PDE4D: variants seen among roughly 807,000 people sequenced by gnomAD.
PDE4D encodes the protein phosphodiesterase 4D.
In PDE4D, 24 loss-of-function variants were observed where a neutral mutation model predicts 87.4. That is an observed-to-expected ratio of 0.27 (90% CI 0.20 to 0.39). PDE4D has a LOEUF of 0.39. PDE4D is among the 10% of genes least tolerant of loss of function. The probability of loss-of-function intolerance (pLI) is 1.00; values close to 1 mark genes in which losing one functional copy is unlikely to be tolerated. For synonymous variants in PDE4D, 384 were observed against 383.2 expected, an observed-to-expected ratio of 1.00 and a Z score of -0.02; for missense variants, 714 against 1,041.0, an observed-to-expected ratio of 0.69 and a Z score of 4.32.
At chr5:59,874,578 T>TA (rs891179398) in intron 1 of PDE4D, among the ~76,000 whole-genome samples, 30 of 151,686 alleles carry the variant, frequency 2.0e-4, no homozygotes, top group East Asian at 5.8e-4. Context: ...TTATCCATTT[T>TA]AAAAAAAAAT....
intron 1 of PDE4D, among the ~76,000 whole-genome samples, chr5:59,735,941 T>G: frequency 6.6e-6 from 1 of 152,044 alleles, no homozygotes; most frequent in East Asian, 1.9e-4. Flanking sequence ...AGTTCTAGGA[T>G]TACAGGTGTG....
chr5:60,429,571 T>C (rs1744016228), intron 1 of PDE4D, among the ~76,000 whole-genome samples: 1 of 152,224 alleles, frequency 6.6e-6, no homozygotes, highest in African/African-American at 2.4e-5. Context: ...CTCCCAGCTT[T>C]TGCCCATTCA....
intron 2 of PDE4D, among the ~76,000 whole-genome samples, chr5:60,156,008 G>C (rs1169426607): frequency 6.6e-6 from 1 of 152,146 alleles, no homozygotes; most frequent in Admixed American, 6.5e-5. Flanking sequence ...GCTCAATTTA[G>C]GTACCAGGGT....
chr5:59,129,624 A>T (rs980901462), intron 5 of PDE4D, among the ~76,000 whole-genome samples: 4 of 152,224 alleles, frequency 2.6e-5, no homozygotes, highest in Admixed American at 1.3e-4. Flanking sequence ...CTTTATAGTT[A>T]CTTTTTCCCT....
chr5:60,149,992 A>C (rs1030288255), intron 2 of PDE4D, among the ~76,000 whole-genome samples: 2 of 147,228 alleles, frequency 1.4e-5, no homozygotes, highest in African/African-American at 4.9e-5. Flanking sequence ...TATGTAATAC[A>C]TATGTGTATA....
chr5:59,446,875 C>T (rs767566049), intron 1 of PDE4D, among the ~76,000 whole-genome samples: 11 of 152,188 alleles, frequency 7.2e-5, no homozygotes, highest in Admixed American at 2.6e-4. Context: ...CAGAGGTTCA[C>T]GCTCTGTTTA....
At chr5:59,193,368 T>C (rs1744746102) in intron 3 of PDE4D, 132 bp downstream of exon 3, 2 of 878,584 alleles carry the variant, frequency 2.3e-6, no homozygotes, top group Middle Eastern at 2.2e-4. Context: ...TTGAATTGCT[T>C]GAATGAACCA....
At chr5:59,062,016 A>C (rs1580589762) in intron 5 of PDE4D, among the ~76,000 whole-genome samples, 1 of 152,108 alleles carries the variant, frequency 6.6e-6, no homozygotes, top group Non-Finnish European at 1.5e-5. Context: ...AGGCAGCATC[A>C]CCAGCGTCCA....
intron 1 of PDE4D, among the ~76,000 whole-genome samples, chr5:59,891,458 G>T (rs1315489867): frequency 6.6e-6 from 1 of 152,106 alleles, no homozygotes; most frequent in African/African-American, 2.4e-5. Flanking sequence ...TATCATTGGG[G>T]TCCTACATAG....
At chr5:59,476,113 T>C (rs969849497) in intron 1 of PDE4D, among the ~76,000 whole-genome samples, 1 of 152,036 alleles carries the variant, frequency 6.6e-6, no homozygotes, top group Non-Finnish European at 1.5e-5. Context: ...CTCTATTTTA[T>C]GAAGAAAATA....
At chr5:59,646,831 C>T (rs1235338116) in intron 1 of PDE4D, among the ~76,000 whole-genome samples, 1 of 152,036 alleles carries the variant, frequency 6.6e-6, no homozygotes, top group Admixed American at 6.6e-5. Context: ...GTCAGGAGAT[C>T]GAGACCATCC....
At chr5:60,036,483 G>T (rs1212069735) in intron 2 of PDE4D, among the ~76,000 whole-genome samples, 1 of 152,194 alleles carries the variant, frequency 6.6e-6, no homozygotes, top group Admixed American at 6.5e-5. Flanking sequence ...AGGTGTTGGT[G>T]AATTTACACA....
intron 1 of PDE4D, among the ~76,000 whole-genome samples, chr5:59,362,981 C>G (rs1207817767): frequency 6.6e-6 from 1 of 152,150 alleles, no homozygotes; most frequent in Non-Finnish European, 1.5e-5. Flanking sequence ...TCCTGAGTAC[C>G]TGTCATCCTC....
Position 60,324,642 on chromosome 5 carries a change from C to T in PDE4D, c.-89-138955G>A, listed in dbSNP as rs893204579. Among the ~76,000 whole-genome samples, 44 of 152,186 alleles carry T rather than the reference C, an allele frequency of 2.9e-4. 1 individual carries two copies. Among genetic ancestry groups the T allele is most frequent in the Admixed American group, 1.3e-4 (2 of 15,278 alleles). On this transcript the variant is annotated intron_variant, in intron 1 of 16. Coordinates refer to the PDE4D transcript ENST00000502484. ...GACAGAGCGAGACTCCGTCTCAAAA[C>T]AAAGACAAAAACAAAAATAAAGAGA...
At chr5:60,505,518 T>C (rs1359668054) in intron 1 of PDE4D, among the ~76,000 whole-genome samples, 1 of 152,192 alleles carries the variant, frequency 6.6e-6, no homozygotes, top group East Asian at 1.9e-4. Context: ...CACTCTATAA[T>C]ACAGCCACGG....
intron 1 of PDE4D, among the ~76,000 whole-genome samples, chr5:59,745,507 G>A (rs1580831219): frequency 6.6e-6 from 1 of 152,220 alleles, no homozygotes; most frequent in Non-Finnish European, 1.5e-5. Flanking sequence ...TGACAGGCAT[G>A]TTCTAGCCAA....
At chr5:59,807,774 G>A (rs1581200654) in intron 1 of PDE4D, among the ~76,000 whole-genome samples, 1 of 152,218 alleles carries the variant, frequency 6.6e-6, no homozygotes, top group African/African-American at 2.4e-5. Flanking sequence ...GTAGGCCAGA[G>A]CTTCCTTCAC....
chr5:59,726,114 A>C (rs1377474554), intron 1 of PDE4D, among the ~76,000 whole-genome samples: 4 of 152,090 alleles, frequency 2.6e-5, no homozygotes, highest in Non-Finnish European at 5.9e-5. Flanking sequence ...AATGTGTTTA[A>C]TTTTTTTTAA....
chr5:59,200,142 T>C lies in PDE4D; in HGVS notation c.648-6606A>G, dbSNP rs868569958. Among the ~76,000 whole-genome samples the C allele has an allele frequency of 3.7e-3, 154 of 41,710 alleles. 1 individual carries two copies. The highest frequency in any genetic ancestry group is 6.2e-3 in the African/African-American group (110 of 17,850). The allele number at this position is 41,710 out of a possible 152,430, so 27.4% of individuals were successfully genotyped here. The stretch of plus-strand genomic sequence containing the variant: ...ACATGCATGTAGACATACATGTATG[T>C]ACACGTATATGTATATATAAGTATA... On this transcript the variant is annotated intron_variant, in intron 2 of 14. Coordinates refer to ENST00000340635, the MANE Select transcript of PDE4D (RefSeq NM_001104631.2).
Sources: allele counts gnomAD v4.1 joint callset (sites outside exome capture counted in the v4.1 genomes callset), GRCh38; gene constraint gnomAD v4.1.1; transcripts MANE v1.5; gene names NCBI Gene and HGNC (gene_info 2026-07-23, HGNC 2026-07-21).